The following SMAD3 variants were observed in gnomAD, a reference collection of about 807,000 sequenced individuals.
SMAD3 encodes SMAD family member 3.
A neutral mutation model predicts 51.8 loss-of-function variants in SMAD3; 12 were observed. The ratio of observed to expected loss-of-function variants is 0.23; its 90% CI spans 0.15 to 0.38. The LOEUF (loss-of-function observed/expected upper bound fraction) is 0.38, where lower values mean the gene tolerates loss of function less well. Ranked by LOEUF, SMAD3 falls within the 10% of genes least tolerant of loss-of-function variation. The pLI is 1.00. For missense variants in SMAD3, 294 were observed against 565.6 expected, an observed-to-expected ratio of 0.52 and a Z score of 4.87; for synonymous variants, 238 against 227.7, an observed-to-expected ratio of 1.05 and a Z score of -0.41.
chr15:67,142,950 C>G (rs1302064086), intron 1 of SMAD3: 2 of 379,468 alleles, frequency 5.3e-6, no homozygotes, highest in South Asian at 3.6e-5. Flanking sequence ...CTCATTTTCT[C>G]TGGCATGTCC....
At position 67,101,191 on chromosome 15, in the gene SMAD3, G is replaced by A. The variant is rs551025385; in HGVS notation, c.206+34831G>A. On this transcript the variant is annotated intron_variant, in intron 1 of 8. Coordinates refer to ENST00000327367, the MANE Select transcript of SMAD3 (RefSeq NM_005902.4). ...GGACTAATTGTGTGCAAATACATAC[G>A]TTTGGTGTTTGTTGGGAGACTTGCC... 3.9e-5 allele frequency among the ~76,000 whole-genome samples: 6 copies of A among 152,294 alleles called. No homozygotes were observed. The South Asian group carries it at 1.2e-3, about 32-fold the overall frequency.
Position 67,150,818 on chromosome 15 carries a change from TTA to T in SMAD3, c.207-14075_207-14074del, listed in dbSNP as rs1491047787. The stretch of plus-strand genomic sequence containing the variant: ...TCCTGCTTTTTTTTTTTTTTTTTTT[TTA>T]TTAAGAGAGCAAAGCTATTTCTCAG... On this transcript the variant is annotated intron_variant, in intron 1 of 8. Coordinates refer to ENST00000327367, the MANE Select transcript of SMAD3 (RefSeq NM_005902.4). Among the ~76,000 whole-genome samples the T allele has an allele frequency of 1.0e-4, 13 of 129,672 alleles. 1 individual carries two copies. Among genetic ancestry groups the T allele is most frequent in the East Asian group, 6.7e-4 (3 of 4,454 alleles). The allele number at this position is 129,672 out of a possible 152,430, so 85.1% of individuals were successfully genotyped here. A position where few individuals can be genotyped will look rare whatever the true frequency, so the allele number is the denominator to read the frequency against.
intron 6 of SMAD3, among the ~76,000 whole-genome samples, chr15:67,183,029 A>ATTTTTTTTTT (rs1567000858): frequency 2.1e-5 from 1 of 48,108 alleles, no homozygotes; most frequent in Non-Finnish European, 3.3e-5. Flanking sequence ...ATATATATAT[A>ATTTTTTTTTT]TATTTTTTTT....
In SMAD3 at chr15:67,138,405, G is replaced by A; in HGVS notation, c.207-26490G>A. ...GCCATCGCAGTGGATTTGCGGAAGA[G>A]GGTTCCAGAGTGTGGGGAGAGCGTG... is the stretch of plus-strand genomic sequence containing the variant. On this transcript the variant is annotated intron_variant, in intron 1 of 8. Transcript: ENST00000327367. 4 of 383,880 alleles carry A rather than the reference G, an allele frequency of 1.0e-5. No individual in the cohort carries two copies. In the South Asian group the frequency reaches 1.2e-4, roughly 11 times the overall value. The allele number at this position is 383,880 out of a possible 1,614,324, so 23.8% of individuals were successfully genotyped here.
intron 1 of SMAD3, among the ~76,000 whole-genome samples, chr15:67,096,516 T>G (rs1960618271): frequency 6.6e-6 from 1 of 152,230 alleles, no homozygotes; most frequent in Admixed American, 6.5e-5. Context: ...TCATGTAATT[T>G]AAAATTTTAA....
In SMAD3 at chr15:67,194,970, T is replaced by G. The variant is rs1263511940; in HGVS notation, c.*4434T>G. On this transcript the variant is annotated 3_prime_UTR_variant, in exon 9 of 9. Transcript: ENST00000327367. ...AGAACATTGACTGTGTTGATTACCT[T>G]CACTATTCGGCCAGCCTGACCTTTT... 4.3e-6 allele frequency: 1 copy of G among 233,666 alleles called. No homozygotes were observed. The highest frequency in any genetic ancestry group is 6.0e-5 in the East Asian group (1 of 16,726). The allele number at this position is 233,666 out of a possible 1,614,324, so 14.5% of individuals were successfully genotyped here. A position where few individuals can be genotyped will look rare whatever the true frequency, so the allele number is the denominator to read the frequency against.
chr15:67,130,111 C>T (rs1297325930), intron 1 of SMAD3, among the ~76,000 whole-genome samples: 3 of 152,206 alleles, frequency 2.0e-5, no homozygotes, highest in Non-Finnish European at 4.4e-5. Flanking sequence ...AAGTGCTGTG[C>T]TAGATACTCT....
At chr15:67,123,001 C>G (rs1454157715) in intron 1 of SMAD3, among the ~76,000 whole-genome samples, 1 of 151,424 alleles carries the variant, frequency 6.6e-6, no homozygotes, top group African/African-American at 2.4e-5. Context: ...GACTGGCCAG[C>G]ATAACAAGAA....
At chr15:67,164,865 CT>C (rs762726319) in intron 1 of SMAD3, 29 bp from the exon 2 acceptor site, 1 of 1,611,044 alleles carries the variant, frequency 6.2e-7, no homozygotes, top group African/African-American at 1.3e-5. Flanking sequence ...CCACATTTCC[CT>C]CTCTTTCTGC....
chr15:67,124,450 GA>G (rs5813429), intron 1 of SMAD3, among the ~76,000 whole-genome samples: 103,095 of 151,410 alleles, frequency 0.68, 35,118 homozygotes, highest in African/African-American at 0.73. Context: ...TCAGTCTTTA[GA>G]AAAAAAAAAA....
At chr15:67,096,717 C>T (rs910018847) in intron 1 of SMAD3, among the ~76,000 whole-genome samples, 1 of 151,918 alleles carries the variant, frequency 6.6e-6, no homozygotes, top group Non-Finnish European at 1.5e-5. Context: ...ATGCAGCCAA[C>T]CCTGACTGGC....
chr15:67,072,483 T>C (rs1960076405), intron 1 of SMAD3, among the ~76,000 whole-genome samples: 1 of 152,210 alleles, frequency 6.6e-6, no homozygotes, highest in Admixed American at 6.5e-5. Flanking sequence ...TCATCAATAG[T>C]CCTAATTGAC....
chr15:67,177,725 GT>G (rs534457421), intron 5 of SMAD3, among the ~76,000 whole-genome samples: 9,004 of 117,172 alleles, frequency 0.077, 409 homozygotes, highest in South Asian at 0.27. Context: ...CATATGGTCT[GT>G]TTTTTTGTTT....
intron 5 of SMAD3, among the ~76,000 whole-genome samples, chr15:67,179,536 A>G (rs948608244): frequency 4.6e-5 from 7 of 152,026 alleles, no homozygotes; most frequent in African/African-American, 1.7e-4. Flanking sequence ...GTGTGTGTGG[A>G]GTGCAGGGGT....
chr15:67,164,811 T>C (rs1962530142), intron 1 of SMAD3, 84 bp from the exon 2 acceptor site: 11 of 1,383,494 alleles, frequency 8.0e-6, no homozygotes, highest in South Asian at 1.2e-5. Flanking sequence ...GCTTTCCAAG[T>C]GTCTGAAAGT....
chr15:67,107,026 C>G (rs573691371), intron 1 of SMAD3, among the ~76,000 whole-genome samples: 1 of 152,092 alleles, frequency 6.6e-6, no homozygotes, highest in African/African-American at 2.4e-5. Context: ...CCCGTCTGCA[C>G]GACTTGGCTT....
intron 1 of SMAD3, among the ~76,000 whole-genome samples, chr15:67,098,382 G>GC (rs201521871): frequency 1.3e-5 from 2 of 151,894 alleles, no homozygotes; most frequent in Non-Finnish European, 2.9e-5. Flanking sequence ...AAGCAAGCCA[G>GC]CAGGATTTGG....
chr15:67,187,319 C>T, intron 7 of SMAD3, 46 bp from the exon 8 acceptor site: 1 of 1,613,646 alleles, frequency 6.2e-7, no homozygotes, highest in Non-Finnish European at 8.5e-7. Context: ...GAGCAACGGA[C>T]CTGGCCACTT....
At chr15:67,101,251 A>T (rs1231377500) in intron 1 of SMAD3, among the ~76,000 whole-genome samples, 24 of 152,066 alleles carry the variant, frequency 1.6e-4, no homozygotes. Context: ...TCTCTTTTTG[A>T]CTATGAACAC....
Sources: gnomAD v4.1 joint callset for allele counts (sites outside exome capture counted in the v4.1 genomes callset) on GRCh38, gnomAD v4.1.1 for gene constraint, MANE v1.5 for transcripts, NCBI Gene and HGNC (gene_info 2026-07-23, HGNC 2026-07-21) for gene names.